PTPN13: variants seen among roughly 807,000 people sequenced by gnomAD.
The protein encoded by PTPN13 is protein tyrosine phosphatase non-receptor type 13, also known as tyrosine-protein phosphatase non-receptor type 13.
Under a neutral mutation model 284.0 loss-of-function variants are expected in PTPN13, and 191 were observed. That is an observed-to-expected ratio of 0.67 (90% CI 0.60 to 0.76). The LOEUF (loss-of-function observed/expected upper bound fraction) is 0.76. PTPN13 is among the 30% of genes least tolerant of loss of function. The pLI, the probability that PTPN13 is intolerant of heterozygous loss-of-function variation, is 0.00. For synonymous variants in PTPN13, 986 were observed against 1,022.3 expected, an observed-to-expected ratio of 0.96 and a Z score of 0.68; for missense variants, 2,797 against 2,939.9, an observed-to-expected ratio of 0.95 and a Z score of 1.12.
intron 1 of PTPN13, among the ~76,000 whole-genome samples, chr4:86,634,763 G>T (rs962649082): frequency 1.3e-5 from 2 of 152,112 alleles, no homozygotes; most frequent in Non-Finnish European, 2.9e-5. Flanking sequence ...ATATATTGGA[G>T]ATAATAGAAA....
intron 37 of PTPN13, 85 bp downstream of exon 37, chr4:86,782,347 A>G: frequency 8.2e-7 from 1 of 1,217,734 alleles, no homozygotes; most frequent in South Asian, 1.2e-5. Flanking sequence ...CTGATTTCAT[A>G]TTTAAATATT....
intron 40 of PTPN13, among the ~76,000 whole-genome samples, chr4:86,787,448 C>G (rs1278759419): frequency 6.6e-6 from 1 of 151,848 alleles, no homozygotes; most frequent in Non-Finnish European, 1.5e-5. Flanking sequence ...CAAAATTAGC[C>G]GGGCAAGGTG....
At chr4:86,651,543 C>A (rs756779185) in intron 2 of PTPN13, among the ~76,000 whole-genome samples, 3 of 151,974 alleles carry the variant, frequency 2.0e-5, no homozygotes, top group Admixed American at 1.3e-4. Context: ...TTATTGGAAT[C>A]ATTTGAGTAG....
chr4:86,741,687 G>A lies in PTPN13; in HGVS notation c.2358G>A (p.Glu786=). ...TTCATTTTCACCGAGTGCACCCTGAGAAGAAGTCACAAACAGGAATATTGC... is the reference window on the plus strand; with the variant it reads ...TTCATTTTCACCGAGTGCACCCTGAAAAGAAGTCACAAACAGGAATATTGC... ...YGVHFHRVHP[E]KKSQTGILLG... The change falls in exon 16 of 48, where the codon GAG becomes GAA. Residue 786 remains glutamate (E), a synonymous_variant. Coordinates refer to ENST00000411767, the MANE Select transcript of PTPN13 (RefSeq NM_080683.3). 4 of 1,613,798 alleles carry A rather than the reference G, an allele frequency of 2.5e-6. No individual in the cohort carries two copies. The highest frequency in any genetic ancestry group is 2.2e-5 in the South Asian group (2 of 91,032).
At chr4:86,785,959 C>G in intron 40 of PTPN13, 23 bp downstream of exon 40, 2 of 1,355,090 alleles carry the variant, frequency 1.5e-6, no homozygotes, top group Non-Finnish European at 2.0e-6. Flanking sequence ...CCTAAACAAC[C>G]TAGGATATGA....
chr4:86,738,581 A>G (rs922337740), intron 15 of PTPN13, among the ~76,000 whole-genome samples: 5 of 152,232 alleles, frequency 3.3e-5, no homozygotes, highest in African/African-American at 7.2e-5. Context: ...ACTGTTAAGA[A>G]GTACATGTTC....
chr4:86,676,915 G>A (rs963267586), intron 3 of PTPN13, among the ~76,000 whole-genome samples: 1 of 152,218 alleles, frequency 6.6e-6, no homozygotes, highest in East Asian at 1.9e-4. Context: ...AGTTTTGCAA[G>A]GTGAAAAAGT....
chr4:86,685,324 T>C (rs967028325), intron 3 of PTPN13, among the ~76,000 whole-genome samples: 1 of 151,758 alleles, frequency 6.6e-6, no homozygotes, highest in Non-Finnish European at 1.5e-5. Context: ...AAAACTGCAG[T>C]GAGGCCAAGT....
chr4:86,720,856 G>A lies in PTPN13; in HGVS notation c.1386-1356G>A, dbSNP rs115493557. On this transcript the variant is annotated intron_variant, in intron 9 of 47. Coordinates refer to ENST00000411767, the MANE Select transcript of PTPN13 (RefSeq NM_080683.3). ...TGGGGGGAGATTAACAGGAAATTAT[G>A]AGTCAGATGCAGCAGAATGAGTAAT... Among the ~76,000 whole-genome samples the A allele has an allele frequency of 1.1e-3, 161 of 152,248 alleles. 1 individual carries two copies. The highest frequency in any genetic ancestry group is 3.7e-3 in the African/African-American group (155 of 41,546).
chr4:86,775,414 G>C, intron 34 of PTPN13, 28 bp from the exon 35 acceptor site: 1 of 1,597,296 alleles, frequency 6.3e-7, no homozygotes, highest in Non-Finnish European at 8.6e-7. Flanking sequence ...TTATGACTGA[G>C]AAAACAAATA....
intron 38 of PTPN13, among the ~76,000 whole-genome samples, chr4:86,784,949 A>G (rs1741731092): frequency 6.6e-6 from 1 of 152,146 alleles, no homozygotes; most frequent in Non-Finnish European, 1.5e-5. Flanking sequence ...GAAAATAAAC[A>G]TTAAATTATT....
At chr4:86,812,752 T>G (rs961807704) in intron 47 of PTPN13, among the ~76,000 whole-genome samples, 26 of 151,150 alleles carry the variant, frequency 1.7e-4, no homozygotes, top group African/African-American at 6.1e-4. Context: ...AAGGAGGAGG[T>G]GAGGTTAGAG....
chr4:86,795,846 A>G (rs756525831), intron 40 of PTPN13, among the ~76,000 whole-genome samples: 17 of 152,186 alleles, frequency 1.1e-4, no homozygotes, highest in Non-Finnish European at 1.8e-4. Flanking sequence ...CAATGAGAAC[A>G]CATGGACACA....
chr4:86,703,297 T>A (rs1731361606), intron 7 of PTPN13, among the ~76,000 whole-genome samples: 1 of 152,134 alleles, frequency 6.6e-6, no homozygotes, highest in African/African-American at 2.4e-5. Flanking sequence ...AGCAGAGAGA[T>A]TAGGCACTTT....
At chr4:86,796,718 A>C (rs188038070) in intron 40 of PTPN13, among the ~76,000 whole-genome samples, 156 bp from the exon 41 acceptor site, 5 of 152,350 alleles carry the variant, frequency 3.3e-5, no homozygotes, top group African/African-American at 1.2e-4. Context: ...TGCCTCAGCC[A>C]CTGTTTGGAG....
At chr4:86,768,709 CT>C (rs774501203) in intron 28 of PTPN13, among the ~76,000 whole-genome samples, 3,265 of 130,342 alleles carry the variant, frequency 0.025, 50 homozygotes, top group African/African-American at 0.084. Context: ...TTTCTTCCAT[CT>C]TTTTTTTTTT....
intron 10 of PTPN13, among the ~76,000 whole-genome samples, chr4:86,725,182 G>A (rs1734105315): frequency 6.6e-6 from 1 of 151,140 alleles, no homozygotes; most frequent in Non-Finnish European, 1.5e-5. Flanking sequence ...ATTCCATGGT[G>A]TATATGTGCC....
intron 7 of PTPN13, among the ~76,000 whole-genome samples, chr4:86,707,591 G>C (rs1731907160): frequency 6.6e-6 from 1 of 152,106 alleles, no homozygotes; most frequent in Non-Finnish European, 1.5e-5. Context: ...TCATGTTCAA[G>C]TATTATGTGT....
chr4:86,795,501 A>G (rs967887252), intron 40 of PTPN13, among the ~76,000 whole-genome samples: 13 of 152,198 alleles, frequency 8.5e-5, no homozygotes, highest in Non-Finnish European at 1.6e-4. Context: ...AGGATCTAGA[A>G]CTAGAAATAC....
Sources: gnomAD v4.1 joint callset for allele counts (sites outside exome capture counted in the v4.1 genomes callset) on GRCh38, gnomAD v4.1.1 for gene constraint, MANE v1.5 for transcripts, NCBI Gene and HGNC (gene_info 2026-07-23, HGNC 2026-07-21) for gene names.